Variants in USP13 observed in about 807,000 individuals in gnomAD.
USP13 encodes ubiquitin specific peptidase 13, also known as ubiquitin carboxyl-terminal hydrolase 13.
A neutral mutation model predicts 107.8 loss-of-function variants in USP13; 68 were observed. The ratio of observed to expected loss-of-function variants is 0.63; its 90% CI spans 0.52 to 0.77. The LOEUF (loss-of-function observed/expected upper bound fraction) is 0.77, where lower values mean the gene tolerates loss of function less well. USP13 is among the 30% of genes least tolerant of loss of function. The pLI, the probability that USP13 is intolerant of heterozygous loss-of-function variation, is 0.00. For synonymous variants in USP13, 377 were observed against 389.5 expected (o/e 0.97, Z 0.38); for missense variants, 945 against 1,093.3 (o/e 0.86, Z 1.91).
chr3:179,699,403 A>G (rs1239845487), intron 3 of USP13, among the ~76,000 whole-genome samples: 4 of 152,186 alleles, frequency 2.6e-5, no homozygotes, highest in Non-Finnish European at 4.4e-5. Flanking sequence ...GACTCTTACA[A>G]TTTAGAATCT....
rs1393332137 is a variant in USP13, at chr3:179,788,453, A to G, written c.*4312A>G. On this transcript the variant is annotated 3_prime_UTR_variant, in exon 21 of 21. Transcript: ENST00000263966. ...TCAACAGCCATATGTGGCGATGACT[A>G]CTCAAAGTTTGGCTTGTTCAAATCG... The G allele has an allele frequency of 3.9e-5, 6 of 152,186 alleles. No individual in the cohort carries two copies. Among genetic ancestry groups the G allele is most frequent in the Non-Finnish European group, 8.8e-5 (6 of 68,046 alleles). 9.4% of individuals were successfully genotyped at this position (152,186 alleles called of 1,614,324 possible).
intron 19 of USP13, among the ~76,000 whole-genome samples, chr3:179,771,888 A>C (rs1715352651): frequency 6.6e-6 from 1 of 152,244 alleles, no homozygotes; most frequent in South Asian, 2.1e-4. Flanking sequence ...TTGTTTAAAA[A>C]GGTTAGTGCT....
chr3:179,663,953 T>G (rs1271743585), intron 1 of USP13, among the ~76,000 whole-genome samples: 1 of 152,226 alleles, frequency 6.6e-6, no homozygotes, highest in Non-Finnish European at 1.5e-5. Flanking sequence ...CTGAGTTAGA[T>G]ATCTGTTTTC....
intron 10 of USP13, among the ~76,000 whole-genome samples, chr3:179,737,851 A>G (rs964027981): frequency 2.6e-5 from 4 of 152,194 alleles, no homozygotes; most frequent in African/African-American, 7.2e-5. Flanking sequence ...AGAATCTCCA[A>G]TAGTGCTCTG....
At chr3:179,665,199 G>A (rs2108437658) in intron 1 of USP13, among the ~76,000 whole-genome samples, 1 of 152,356 alleles carries the variant, frequency 6.6e-6, no homozygotes, top group East Asian at 1.9e-4. Flanking sequence ...TATTATAGGG[G>A]TAGAGAGGGT....
chr3:179,728,228 G>T (rs1713634612), intron 8 of USP13, among the ~76,000 whole-genome samples: 1 of 149,556 alleles, frequency 6.7e-6, no homozygotes. Context: ...TGCCAGACGA[G>T]GTGGCTGCCG....
intron 13 of USP13, among the ~76,000 whole-genome samples, chr3:179,750,699 C>T (rs1456671516): frequency 6.6e-6 from 1 of 152,138 alleles, no homozygotes; most frequent in South Asian, 2.1e-4. Flanking sequence ...AATAATCATG[C>T]TAATTCCTTA....
At position 179,765,736 on chromosome 3, in the gene USP13, C is replaced by A; in HGVS notation, c.2301C>A (p.His767Gln). 6.2e-7 allele frequency: 1 copy of A among 1,614,086 alleles called. No homozygotes were observed. Among genetic ancestry groups the A allele is most frequent in the Non-Finnish European group, 8.5e-7 (1 of 1,179,964 alleles). Residue 767 changes from histidine to glutamine, a missense_variant, in exon 19 of 21, where the codon CAC becomes CAA. By Grantham distance (24) the His-to-Gln change is conservative. Coordinates refer to ENST00000263966, the MANE Select transcript of USP13 (RefSeq NM_003940.3). ...GAGCACTGGATTGGATCTTTAGCCA[C>A]CCTGAGTTTGAAGAAGACAGTGATT... ...LERALDWIFS[H>Q]PEFEEDSDFV...
rs754057715 is a variant in USP13, at chr3:179,757,117, T to C, written c.1948+39T>C. On this transcript the variant is annotated intron_variant, in intron 16 of 20. Transcript: ENST00000263966. Reference sequence around the variant, plus strand: ...AAAATGTTTCTCAATGTCCTACTGTTGTTATTAATCTGATGAATTTGTCTG... The same window carrying C: ...AAAATGTTTCTCAATGTCCTACTGTCGTTATTAATCTGATGAATTTGTCTG... 5.6e-6 allele frequency: 9 copies of C among 1,602,938 alleles called. No homozygotes were observed. The East Asian group carries it at 2.0e-4, about 36-fold the overall frequency.
chr3:179,690,143 C>T (rs1712062070), intron 2 of USP13, 98 bp from the exon 3 acceptor site: 1 of 1,124,940 alleles, frequency 8.9e-7, no homozygotes, highest in Non-Finnish European at 1.3e-6. Flanking sequence ...TTCTTCTTGG[C>T]CTTCTGTAAA....
chr3:179,778,785 G>A (rs1202225531), intron 19 of USP13, among the ~76,000 whole-genome samples: 1 of 151,438 alleles, frequency 6.6e-6, no homozygotes, highest in Non-Finnish European at 1.5e-5. Flanking sequence ...AAAAAAAAAC[G>A]AATGCGACAT....
chr3:179,682,905 T>G (rs1476952227), intron 2 of USP13, among the ~76,000 whole-genome samples: 1 of 152,146 alleles, frequency 6.6e-6, no homozygotes, highest in Non-Finnish European at 1.5e-5. Context: ...CTCCCCAGAG[T>G]GATTGTACCT....
chr3:179,692,190 C>T (rs9868366), intron 3 of USP13, among the ~76,000 whole-genome samples: 3,307 of 152,228 alleles, frequency 0.022, 127 homozygotes, highest in African/African-American at 0.075. Flanking sequence ...AGCTCTTTCC[C>T]GGTAATAGAA....
intron 13 of USP13, among the ~76,000 whole-genome samples, chr3:179,747,740 C>G (rs781551311): frequency 6.6e-6 from 1 of 152,178 alleles, no homozygotes; most frequent in Non-Finnish European, 1.5e-5. Context: ...GGCAAAGTCA[C>G]CGCCCAGTGA....
At chr3:179,735,209 AGT>A (rs1267044799) in intron 10 of USP13, among the ~76,000 whole-genome samples, 1 of 152,060 alleles carries the variant, frequency 6.6e-6, no homozygotes, top group Non-Finnish European at 1.5e-5. Flanking sequence ...CTCAAGTGAG[AGT>A]GTGTGTTCCC....
At chr3:179,727,112 A>G (rs1713548932) in intron 8 of USP13, among the ~76,000 whole-genome samples, 1 of 151,446 alleles carries the variant, frequency 6.6e-6, no homozygotes, top group Non-Finnish European at 1.5e-5. Flanking sequence ...GGTAGCTGTC[A>G]CTGCTGTTAC....
At chr3:179,658,709 A>G (rs1326561331) in intron 1 of USP13, among the ~76,000 whole-genome samples, 1 of 152,128 alleles carries the variant, frequency 6.6e-6, no homozygotes, top group Non-Finnish European at 1.5e-5. Context: ...AGAATTGTCC[A>G]CTTGAGATGG....
intron 4 of USP13, among the ~76,000 whole-genome samples, chr3:179,704,304 C>T (rs758498662): frequency 1.2e-4 from 18 of 151,892 alleles, no homozygotes; most frequent in Admixed American, 7.9e-4. Flanking sequence ...CAAACCAGAA[C>T]GTTTAGAAAA....
chr3:179,718,537 C>T (rs1713187979), intron 6 of USP13, among the ~76,000 whole-genome samples: 1 of 152,106 alleles, frequency 6.6e-6, no homozygotes, highest in South Asian at 2.1e-4. Context: ...GGGTTCTGGG[C>T]CACCTGTGGC....
Sources: allele counts gnomAD v4.1 joint callset (sites outside exome capture counted in the v4.1 genomes callset), GRCh38; gene constraint gnomAD v4.1.1; transcripts MANE v1.5; gene names NCBI Gene and HGNC (gene_info 2026-07-23, HGNC 2026-07-21).